Variants in NLGN4Y observed in about 807,000 individuals in gnomAD.
NLGN4Y encodes the protein neuroligin-4, Y-linked.
Under a neutral mutation model 8.4 loss-of-function variants are expected in NLGN4Y, and 4 were observed. That is an observed-to-expected ratio of 0.48 (90% CI 0.23 to 1.09). The LOEUF (loss-of-function observed/expected upper bound fraction) is 1.09, where lower values mean the gene tolerates loss of function less well. NLGN4Y is among the 50% of genes least tolerant of loss of function. The pLI is 0.19. For missense variants in NLGN4Y, 90 were observed against 192.3 expected, an observed-to-expected ratio of 0.47 and a Z score of 3.15; for synonymous variants, 35 against 75.6, an observed-to-expected ratio of 0.46 and a Z score of 2.78.
In NLGN4Y at chrY:14,626,149, C is replaced by T. The variant is rs1603501602; in HGVS notation, c.472+3558C>T. Among the ~76,000 whole-genome samples, 7 of 33,798 alleles carry T rather than the reference C, an allele frequency of 2.1e-4. No individual in the cohort carries two copies. The East Asian group carries it at 5.5e-3, about 27-fold the overall frequency. The allele number at this position is 33,798 out of a possible 37,273, so 90.7% of individuals were successfully genotyped here. ...TCACTGACTTCACGAATGAAGCTGC[C>T]GACCCTCGCGGTGAGTGTTACAACT... On this transcript the variant is annotated intron_variant, in intron 2 of 6. Transcript: ENST00000684976.
intron 4 of NLGN4Y, among the ~76,000 whole-genome samples, chrY:14,749,282 G>C: frequency 3.0e-5 from 1 of 33,485 alleles, no homozygotes; most frequent in African/African-American, 1.2e-4. Flanking sequence ...ATTAAAGGAG[G>C]CTGAAATTTA....
At chrY:14,773,080 AAGAG>A (rs2081112385) in intron 4 of NLGN4Y, among the ~76,000 whole-genome samples, 1 of 32,952 alleles carries the variant, frequency 3.0e-5, no homozygotes, top group African/African-American at 1.2e-4. Context: ...GCAATCAAGC[AAGAG>A]AAAGAAATAA....
At chrY:14,685,545 C>T in intron 2 of NLGN4Y, among the ~76,000 whole-genome samples, 1 of 33,087 alleles carries the variant, frequency 3.0e-5, no homozygotes, top group Admixed American at 2.8e-4. Flanking sequence ...ACTCCTGTCT[C>T]ATGATTGCAT....
At chrY:14,762,728 T>C in intron 4 of NLGN4Y, among the ~76,000 whole-genome samples, 1 of 33,950 alleles carries the variant, frequency 2.9e-5, no homozygotes, top group Non-Finnish European at 7.3e-5. Flanking sequence ...CTATTCACAT[T>C]TGAAGGATAG....
chrY:14,778,072 T>G (rs1603503910), intron 4 of NLGN4Y, among the ~76,000 whole-genome samples: 4 of 30,714 alleles, frequency 1.3e-4, no homozygotes, highest in African/African-American at 5.0e-4. Flanking sequence ...AATAAATAAA[T>G]AAATAACTAT....
chrY:14,810,788 A>G, intron 4 of NLGN4Y, among the ~76,000 whole-genome samples: 1 of 32,898 alleles, frequency 3.0e-5, no homozygotes, highest in Non-Finnish European at 7.5e-5. Flanking sequence ...GGTGGACATT[A>G]CCTACTTTAT....
At chrY:14,742,844 ACT>A (rs2081010824) in intron 4 of NLGN4Y, among the ~76,000 whole-genome samples, 3 of 32,021 alleles carry the variant, frequency 9.4e-5, no homozygotes, top group East Asian at 8.1e-4. Context: ...AAAATTACTA[ACT>A]CATATATGTG....
intron 1 of NLGN4Y, among the ~76,000 whole-genome samples, chrY:14,566,622 A>G (rs2080252909): frequency 3.0e-5 from 1 of 33,415 alleles, no homozygotes; most frequent in Admixed American, 2.7e-4. Context: ...ATGAGACAGA[A>G]AATTAACAAG....
intron 4 of NLGN4Y, among the ~76,000 whole-genome samples, chrY:14,758,443 G>C (rs543257967): frequency 5.9e-5 from 2 of 33,660 alleles, no homozygotes; most frequent in African/African-American, 1.2e-4. Flanking sequence ...GAAAATGTTA[G>C]AGGTGAGTAT....
At chrY:14,591,269 G>A in intron 1 of NLGN4Y, among the ~76,000 whole-genome samples, 1 of 33,080 alleles carries the variant, frequency 3.0e-5, no homozygotes, top group Non-Finnish European at 7.4e-5. Flanking sequence ...TAAAAAAGGT[G>A]TGTGAGTTTG....
intron 4 of NLGN4Y, among the ~76,000 whole-genome samples, chrY:14,816,107 G>C (rs2043100951): frequency 5.9e-5 from 2 of 33,640 alleles, no homozygotes; most frequent in Admixed American, 2.7e-4. Context: ...TGGAGAGTTT[G>C]GTGGAGGCTT....
chrY:14,764,402 C>A (rs1603503705), intron 4 of NLGN4Y, among the ~76,000 whole-genome samples: 1 of 33,400 alleles, frequency 3.0e-5, no homozygotes, highest in African/African-American at 1.2e-4. Context: ...TTCATAGGCT[C>A]TGTCGACCAT....
intron 1 of NLGN4Y, among the ~76,000 whole-genome samples, chrY:14,537,928 A>T: frequency 3.0e-5 from 1 of 32,966 alleles, no homozygotes; most frequent in Non-Finnish European, 7.4e-5. Context: ...TGAGTCTCTG[A>T]AAAAAAGAAA....
chrY:14,589,900 G>C, intron 1 of NLGN4Y, among the ~76,000 whole-genome samples: 1 of 34,624 alleles, frequency 2.9e-5, no homozygotes, highest in Admixed American at 2.5e-4. Flanking sequence ...GCTCAGACAT[G>C]GTGGGCTGCA....
At chrY:14,660,405 T>C (rs1195773148) in intron 2 of NLGN4Y, among the ~76,000 whole-genome samples, 1 of 33,218 alleles carries the variant, frequency 3.0e-5, no homozygotes. Flanking sequence ...TTATCTTTAT[T>C]TCTACTGGGT....
At chrY:14,644,688 A>T in intron 2 of NLGN4Y, among the ~76,000 whole-genome samples, 1 of 33,016 alleles carries the variant, frequency 3.0e-5, no homozygotes, top group Non-Finnish European at 7.4e-5. Flanking sequence ...ATGGGAAGCA[A>T]GTGTGGACAG....
At chrY:14,577,634 T>C (rs2080303423) in intron 1 of NLGN4Y, among the ~76,000 whole-genome samples, 9 of 34,565 alleles carry the variant, frequency 2.6e-4, no homozygotes, top group Admixed American at 1.6e-3. Context: ...ATCCTTTTTG[T>C]ATATACCCAG....
At chrY:14,522,909 T>C (rs2150455829), upstream of NLGN4Y, 1 of 32,899 alleles carries the variant, frequency 3.0e-5, no homozygotes, top group East Asian at 8.0e-4. Flanking sequence ...TAAAAAGAAC[T>C]CTTAACGGCG....
At chrY:14,586,138 A>G (rs2080339530) in intron 1 of NLGN4Y, among the ~76,000 whole-genome samples, 1 of 33,389 alleles carries the variant, frequency 3.0e-5, no homozygotes, top group African/African-American at 1.2e-4. Flanking sequence ...TCAAGCCTGA[A>G]GATGAAGTTT....
Sources: allele counts gnomAD v4.1 joint callset (sites outside exome capture counted in the v4.1 genomes callset), GRCh38; gene constraint gnomAD v4.1.1; transcripts MANE v1.5; gene names NCBI Gene and HGNC (gene_info 2026-07-23, HGNC 2026-07-21).